Variants in MALRD1 observed in about 807,000 individuals in gnomAD.
MALRD1 encodes the protein MAM and LDL-receptor class A domain-containing protein 1.
In MALRD1, 247 loss-of-function variants were observed where a neutral mutation model predicts 242.1. The observed-to-expected ratio is 1.02, with a 90% CI of 0.92 to 1.13. The LOEUF is 1.13. MALRD1 is among the 50% of genes most tolerant of loss of function. The pLI, the probability that MALRD1 is intolerant of heterozygous loss-of-function variation, is 0.00. For synonymous variants in MALRD1, 995 were observed against 866.6 expected, an observed-to-expected ratio of 1.15 and a Z score of -2.60; for missense variants, 2,989 against 2,533.1, an observed-to-expected ratio of 1.18 and a Z score of -3.86.
intron 39 of MALRD1, among the ~76,000 whole-genome samples, chr10:19,733,803 G>A (rs536149016): frequency 6.8e-4 from 103 of 151,518 alleles, no homozygotes; most frequent in Non-Finnish European, 1.3e-3. Context: ...TTACTTAAAG[G>A]CATTGGTTTT....
chr10:19,626,505 G>A (rs1035642791), intron 36 of MALRD1, among the ~76,000 whole-genome samples: 10 of 151,832 alleles, frequency 6.6e-5, no homozygotes, highest in African/African-American at 1.9e-4. Context: ...AGGGTTCAGC[G>A]AGATAGATGG....
At chr10:19,248,178 G>C (rs950958253) in intron 18 of MALRD1, among the ~76,000 whole-genome samples, 4 of 151,970 alleles carry the variant, frequency 2.6e-5, no homozygotes, top group Middle Eastern at 3.2e-3. Flanking sequence ...GCTATGTAGG[G>C]ATTCAAAGTA....
chr10:19,558,876 G>A (rs967449534), intron 32 of MALRD1, among the ~76,000 whole-genome samples: 1 of 151,970 alleles, frequency 6.6e-6, no homozygotes, highest in Non-Finnish European at 1.5e-5. Flanking sequence ...TCAAATATAT[G>A]GTATATATTG....
At chr10:19,397,342 G>A (rs544472737) in intron 28 of MALRD1, among the ~76,000 whole-genome samples, 39 of 152,158 alleles carry the variant, frequency 2.6e-4, no homozygotes, top group Non-Finnish European at 5.0e-4. Flanking sequence ...ATCATGAGGT[G>A]TCTTTCTGTA....
intron 33 of MALRD1, among the ~76,000 whole-genome samples, chr10:19,575,511 A>G (rs1489637597): frequency 6.6e-6 from 1 of 151,806 alleles, no homozygotes; most frequent in African/African-American, 2.4e-5. Context: ...ACACACACAC[A>G]CAAACACACA....
chr10:19,380,390 C>T (rs563648045), intron 26 of MALRD1, among the ~76,000 whole-genome samples: 99 of 151,402 alleles, frequency 6.5e-4, no homozygotes, highest in African/African-American at 2.4e-3. Flanking sequence ...TGATGGAATT[C>T]CAACACCTAT....
chr10:19,220,996 C>G lies in MALRD1; in HGVS notation c.2991+11316C>G, dbSNP rs113098021. Among the ~76,000 whole-genome samples, 26 of 152,238 alleles carry G rather than the reference C, an allele frequency of 1.7e-4. 1 individual carries two copies. The highest frequency in any genetic ancestry group is 6.3e-4 in the African/African-American group (26 of 41,556). On this transcript the variant is annotated intron_variant, in intron 18 of 39. Transcript: ENST00000454679. ...ATATTCTCCAGTAGATCTCTCAACT[C>G]CAGAGAACCTTCTGACTAAATCTGA...
chr10:19,537,035 GAAAAAC>G (rs1163423412), intron 32 of MALRD1, among the ~76,000 whole-genome samples: 1 of 152,110 alleles, frequency 6.6e-6, no homozygotes, highest in Non-Finnish European at 1.5e-5. Context: ...GCAAGTTAAT[GAAAAAC>G]CTCCCATGTA....
chr10:19,119,605 G>T (rs905177694), intron 5 of MALRD1, among the ~76,000 whole-genome samples: 3 of 152,150 alleles, frequency 2.0e-5, no homozygotes, highest in African/African-American at 7.2e-5. Flanking sequence ...GATGGTGCCA[G>T]TTGATCCATC....
intron 33 of MALRD1, among the ~76,000 whole-genome samples, chr10:19,584,376 C>A (rs1837285912): frequency 6.6e-6 from 1 of 151,742 alleles, no homozygotes. Flanking sequence ...CTATAAATTT[C>A]CCTCTACACA....
At chr10:19,704,729 G>T (rs2131854975) in intron 38 of MALRD1, among the ~76,000 whole-genome samples, 1 of 152,252 alleles carries the variant, frequency 6.6e-6, no homozygotes, top group African/African-American at 2.4e-5. Context: ...ATCTGAATAT[G>T]TTCAGTTATA....
intron 14 of MALRD1, among the ~76,000 whole-genome samples, chr10:19,181,181 C>T (rs2131557711): frequency 6.6e-6 from 1 of 152,224 alleles, no homozygotes; most frequent in Non-Finnish European, 1.5e-5. Flanking sequence ...AATAAAACTA[C>T]CCTATGATTT....
intron 26 of MALRD1, among the ~76,000 whole-genome samples, chr10:19,385,254 T>A (rs1159693902): frequency 6.6e-6 from 1 of 152,076 alleles, no homozygotes; most frequent in African/African-American, 2.4e-5. Flanking sequence ...GGCTTTGGTA[T>A]TGAGGTAATA....
chr10:19,619,691 A>T (rs16919193), intron 36 of MALRD1, among the ~76,000 whole-genome samples: 6,376 of 152,142 alleles, frequency 0.042, 409 homozygotes, highest in African/African-American at 0.14. Context: ...AACATTATAT[A>T]CTGACATCAT....
chr10:19,304,335 T>C (rs972115449), intron 21 of MALRD1, among the ~76,000 whole-genome samples: 20 of 149,058 alleles, frequency 1.3e-4, no homozygotes, highest in African/African-American at 5.1e-4. Context: ...TGTCTATCCC[T>C]CATCTCTCTC....
intron 38 of MALRD1, among the ~76,000 whole-genome samples, chr10:19,721,345 G>T (rs1395300685): frequency 6.6e-6 from 1 of 152,142 alleles, no homozygotes; most frequent in Non-Finnish European, 1.5e-5. Context: ...AGAGGTAGAA[G>T]TAGGGAGAGG....
intron 38 of MALRD1, among the ~76,000 whole-genome samples, chr10:19,729,648 G>A (rs1240661831): frequency 2.7e-5 from 4 of 146,434 alleles, no homozygotes; most frequent in Non-Finnish European, 6.0e-5. Context: ...TTGTTCCTAC[G>A]ATGGACATTT....
At chr10:19,225,511 T>C (rs1473055792) in intron 18 of MALRD1, among the ~76,000 whole-genome samples, 1 of 144,184 alleles carries the variant, frequency 6.9e-6, no homozygotes, top group Non-Finnish European at 1.5e-5. Flanking sequence ...GTTAATGTTA[T>C]ATATATATTT....
intron 10 of MALRD1, among the ~76,000 whole-genome samples, chr10:19,137,913 A>T (rs1022980832): frequency 6.6e-6 from 1 of 152,244 alleles, no homozygotes; most frequent in Non-Finnish European, 1.5e-5. Context: ...TTTTTAAAAG[A>T]TATTAAAAAT....
Sources: allele counts gnomAD v4.1 joint callset (sites outside exome capture counted in the v4.1 genomes callset), GRCh38; gene constraint gnomAD v4.1.1; transcripts MANE v1.5; gene names NCBI Gene and HGNC (gene_info 2026-07-23, HGNC 2026-07-21).